The following STPG2 variants were observed in gnomAD, a reference collection of about 807,000 sequenced individuals.
STPG2 encodes the protein sperm-tail PG-rich repeat-containing protein 2.
STPG2 carries 56 observed loss-of-function variants against 54.2 expected under a neutral mutation model. That is an observed-to-expected ratio of 1.03 (90% CI 0.83 to 1.29). The LOEUF (loss-of-function observed/expected upper bound fraction) is 1.29, where lower values mean the gene tolerates loss of function less well. Ranked by LOEUF, STPG2 falls within the 50% of genes most tolerant of loss-of-function variation. The pLI is 0.00. For synonymous variants in STPG2, 200 were observed against 181.8 expected, an observed-to-expected ratio of 1.10 and a Z score of -0.81; for missense variants, 596 against 544.9, an observed-to-expected ratio of 1.09 and a Z score of -0.93.
chr4:97,909,657 A>T (rs1039379667), intron 8 of STPG2, among the ~76,000 whole-genome samples: 3 of 152,222 alleles, frequency 2.0e-5, no homozygotes, highest in Admixed American at 6.5e-5. Flanking sequence ...GCATTTAAAA[A>T]GTAATCAATA....
intron 8 of STPG2, among the ~76,000 whole-genome samples, chr4:97,941,577 A>G (rs1361878106): frequency 6.6e-6 from 1 of 152,098 alleles, no homozygotes; most frequent in Non-Finnish European, 1.5e-5. Flanking sequence ...AGTCTTTGAT[A>G]TGAAACCAGA....
At chr4:97,864,102 A>G (rs2149144774) in intron 8 of STPG2, among the ~76,000 whole-genome samples, 1 of 152,296 alleles carries the variant, frequency 6.6e-6, no homozygotes, top group Non-Finnish European at 1.5e-5. Flanking sequence ...GGCCAGGGCA[A>G]TCAGGCAGGA....
chr4:97,545,839 T>G (rs1560653613), intron 4 of STPG2, among the ~76,000 whole-genome samples: 1 of 152,122 alleles, frequency 6.6e-6, no homozygotes. Context: ...AAATTACTCA[T>G]ACACATTGAT....
intron 5 of STPG2, among the ~76,000 whole-genome samples, chr4:98,022,571 C>A (rs1449963236): frequency 6.6e-6 from 1 of 151,816 alleles, no homozygotes; most frequent in Non-Finnish European, 1.5e-5. Flanking sequence ...GCCTGCCTTG[C>A]TAGATTGGGG....
At chr4:97,830,413 C>A (rs762094140) in intron 9 of STPG2, among the ~76,000 whole-genome samples, 1 of 152,114 alleles carries the variant, frequency 6.6e-6, no homozygotes, top group Non-Finnish European at 1.5e-5. Flanking sequence ...CCAACCACTG[C>A]AAAAACATAC....
At chr4:97,474,868 C>A (rs867982237) in intron 4 of STPG2, among the ~76,000 whole-genome samples, 17 of 152,086 alleles carry the variant, frequency 1.1e-4, no homozygotes, top group African/African-American at 4.1e-4. Context: ...CTTACTAAAA[C>A]AAATATACAC....
chr4:97,780,432 A>C (rs1726560701), intron 9 of STPG2, among the ~76,000 whole-genome samples: 1 of 31,328 alleles, frequency 3.2e-5, no homozygotes, highest in Non-Finnish European at 6.2e-5. Flanking sequence ...TTCATAAAGC[A>C]AGTCCTTAGA....
chr4:97,907,947 C>G (rs1158071165), intron 8 of STPG2, among the ~76,000 whole-genome samples: 1 of 152,204 alleles, frequency 6.6e-6, no homozygotes, highest in East Asian at 1.9e-4. Context: ...CCATTCAGGT[C>G]ATAGGCTTGG....
intron 4 of STPG2, among the ~76,000 whole-genome samples, chr4:97,476,903 C>A (rs1033513879): frequency 6.6e-6 from 1 of 152,152 alleles, no homozygotes; most frequent in Non-Finnish European, 1.5e-5. Flanking sequence ...CATGAGTAGA[C>A]ACCTGACACT....
chr4:97,855,058 C>G (rs762181754), intron 8 of STPG2, among the ~76,000 whole-genome samples: 2 of 152,156 alleles, frequency 1.3e-5, no homozygotes, highest in Non-Finnish European at 2.9e-5. Flanking sequence ...CAACTCTATT[C>G]ATGTCCCTGC....
chr4:98,028,022 G>A (rs1736480180), intron 5 of STPG2, among the ~76,000 whole-genome samples: 1 of 152,116 alleles, frequency 6.6e-6, no homozygotes, highest in African/African-American at 2.4e-5. Flanking sequence ...CCTAGATAAT[G>A]CAGGTCTATT....
chr4:97,561,020 C>T (rs949120214), intron 10 of STPG2, among the ~76,000 whole-genome samples: 3 of 152,096 alleles, frequency 2.0e-5, no homozygotes, highest in Non-Finnish European at 4.4e-5. Flanking sequence ...CCTGAGGAGT[C>T]GCCACACTGA....
At chr4:97,918,743 C>T (rs1185011184) in intron 8 of STPG2, among the ~76,000 whole-genome samples, 1 of 151,906 alleles carries the variant, frequency 6.6e-6, no homozygotes, top group Non-Finnish European at 1.5e-5. Flanking sequence ...TATGTTCTCA[C>T]TTATAAGTAG....
chr4:98,091,480 T>G (rs1257928821), intron 5 of STPG2, among the ~76,000 whole-genome samples: 1 of 152,080 alleles, frequency 6.6e-6, no homozygotes. Context: ...AATATAACTC[T>G]AACACACTTT....
At chr4:98,023,683 C>G (rs1736311505) in intron 5 of STPG2, among the ~76,000 whole-genome samples, 1 of 152,196 alleles carries the variant, frequency 6.6e-6, no homozygotes, top group Admixed American at 6.5e-5. Flanking sequence ...GGGCTCCACC[C>G]AGTTCGAGCT....
At chr4:97,595,538 T>C (rs1733265890) in intron 10 of STPG2, among the ~76,000 whole-genome samples, 1 of 151,856 alleles carries the variant, frequency 6.6e-6, no homozygotes, top group Non-Finnish European at 1.5e-5. Context: ...ACATGTCACA[T>C]GTATACATAT....
chr4:97,986,915 C>G (rs1276223312), intron 5 of STPG2, among the ~76,000 whole-genome samples: 1 of 152,132 alleles, frequency 6.6e-6, no homozygotes, highest in Admixed American at 6.6e-5. Context: ...GCAGGAGATG[C>G]ATCATTTGCA....
chr4:97,838,333 AATT>A (rs777760896), intron 9 of STPG2, among the ~76,000 whole-genome samples: 7 of 151,442 alleles, frequency 4.6e-5, no homozygotes, highest in African/African-American at 7.2e-5. Context: ...TAACAAATAG[AATT>A]ATTATCACTG....
chr4:97,895,447 C>T (rs981523375), intron 8 of STPG2, among the ~76,000 whole-genome samples: 8 of 151,716 alleles, frequency 5.3e-5, no homozygotes, highest in Non-Finnish European at 8.9e-5. Flanking sequence ...ATTAATTAGC[C>T]AATACAAAAT....
Sources: gnomAD v4.1 joint callset for allele counts (sites outside exome capture counted in the v4.1 genomes callset) on GRCh38, gnomAD v4.1.1 for gene constraint, MANE v1.5 for transcripts, NCBI Gene and HGNC (gene_info 2026-07-23, HGNC 2026-07-21) for gene names.